Variants in PCDHGA8 observed in about 807,000 individuals in gnomAD.
PCDHGA8 encodes protocadherin gamma subfamily A, 8.
Under a neutral mutation model 59.2 loss-of-function variants are expected in PCDHGA8, and 45 were observed. The observed-to-expected ratio is 0.76, with a 90% CI of 0.60 to 0.98. PCDHGA8 has a LOEUF of 0.98. Ranked by LOEUF, PCDHGA8 falls within the 50% of genes least tolerant of loss-of-function variation. PCDHGA8 has a pLI of 0.00. For missense variants in PCDHGA8, 1,257 were observed against 1,196.2 expected, an observed-to-expected ratio of 1.05 and a Z score of -0.75; for synonymous variants, 531 against 519.0, an observed-to-expected ratio of 1.02 and a Z score of -0.32.
At chr5:141,408,838 G>A in intron 1 of PCDHGA8, 1 of 1,613,588 alleles carries the variant, frequency 6.2e-7, no homozygotes, top group African/African-American at 1.3e-5. Flanking sequence ...GCTTGATATT[G>A]ACTGCCTTGG....
rs762881601 is a variant in PCDHGA8, at chr5:141,392,998, A to ACGGAGTC, written c.188_194dup (p.Ile66SerfsTer8). 1.9e-6 allele frequency: 3 copies of ACGGAGTC among 1,613,876 alleles called. No individual in the cohort carries two copies. In the East Asian group the frequency reaches 6.7e-5, roughly 36 times the overall value. On this transcript the variant is annotated frameshift_variant, in exon 1 of 4. Transcript: ENST00000398604. LOFTEE classifies it high-confidence loss of function. ...CTGGACCCCCGGAAGCTGGCGAAGCACGGAGTCCGTATCGTCTCCAGAGGT... is the reference window on the plus strand; with the variant it reads ...CTGGACCCCCGGAAGCTGGCGAAGCACGGAGTCCGGAGTCCGTATCGTCTCCAGAGGT...
Position 141,480,177 on chromosome 5 carries a change from G to T in PCDHGA8, c.2425-14630G>T, listed in dbSNP as rs570721769. 4.6e-5 allele frequency among the ~76,000 whole-genome samples: 7 copies of T among 152,066 alleles called. No homozygotes were observed. In the South Asian group the frequency reaches 6.3e-4, roughly 14 times the overall value. ...CTAGCATTTTGGGAGGCTGAGGCAGGCGGATTGCTTGAGGCCAGCAGTTCA... is the reference window on the plus strand; with the variant it reads ...CTAGCATTTTGGGAGGCTGAGGCAGTCGGATTGCTTGAGGCCAGCAGTTCA... On this transcript the variant is annotated intron_variant, in intron 1 of 3. Coordinates refer to ENST00000398604, the MANE Select transcript of PCDHGA8 (RefSeq NM_032088.2).
intron 1 of PCDHGA8, chr5:141,398,580 A>T: frequency 1.2e-6 from 2 of 1,614,044 alleles, no homozygotes; most frequent in Non-Finnish European, 1.7e-6. Flanking sequence ...CTGGCACAAG[A>T]TTTATACTAG....
chr5:141,449,263 AC>A (rs1308401244), intron 1 of PCDHGA8, among the ~76,000 whole-genome samples: 3 of 152,152 alleles, frequency 2.0e-5, no homozygotes, highest in African/African-American at 7.2e-5. Flanking sequence ...TGTACAAAGA[AC>A]TGTATCTCCT....
chr5:141,415,651 A>C, intron 1 of PCDHGA8: 1 of 1,595,106 alleles, frequency 6.3e-7, no homozygotes. Context: ...TAAAAAAAAA[A>C]AGATTGGTTT....
In PCDHGA8 at chr5:141,393,206, A is replaced by C. The variant is rs774279389; in HGVS notation, c.393A>C (p.Pro131=). 1.2e-6 allele frequency: 2 copies of C among 1,613,470 alleles called. No homozygotes were observed. Among genetic ancestry groups the C allele is most frequent in the African/African-American group, 1.3e-5 (1 of 74,956 alleles). The change falls in exon 1 of 4, where the codon CCA becomes CCC. Residue 131 remains proline, a synonymous_variant. Coordinates refer to ENST00000398604, the MANE Select transcript of PCDHGA8 (RefSeq NM_032088.2). ...TAATTGATATTAACGATAATAACCC[A>C]AAATTCCAGGTCGAAGATCTAGAAG... ...IEIIDINDNN[P]KFQVEDLEVK... is the part of the protein sequence containing the mutation.
intron 1 of PCDHGA8, chr5:141,403,621 C>T: frequency 6.2e-7 from 1 of 1,613,926 alleles, no homozygotes; most frequent in Non-Finnish European, 8.5e-7. Flanking sequence ...CGCGTCGCTC[C>T]AGCACAGTGC....
Position 141,491,265 on chromosome 5 carries a change from CA to C in PCDHGA8, c.2425-3539del. ...AGGATGAGGACCCTGAGGAAATGCC[CA>C]AATCCAGTGACTTCCTCATACACCC... On this transcript the variant is annotated intron_variant, in intron 1 of 3. Coordinates refer to ENST00000398604, the MANE Select transcript of PCDHGA8 (RefSeq NM_032088.2). This position sits in a 1 kb window ranked among gnomAD's most constrained non-coding sequence, Gnocchi z 6.9. 1 of 1,614,074 alleles carries C rather than the reference CA, an allele frequency of 6.2e-7. No individual in the cohort carries two copies.
rs759095332 is a variant in PCDHGA8, at chr5:141,432,306, C to T, written c.2424+37069C>T. 1 of 1,614,250 alleles carries T rather than the reference C, an allele frequency of 6.2e-7. No homozygotes were observed. On this transcript the variant is annotated intron_variant, in intron 1 of 3. Coordinates refer to ENST00000398604, the MANE Select transcript of PCDHGA8 (RefSeq NM_032088.2). This position sits in a 1 kb window ranked among gnomAD's most constrained non-coding sequence, Gnocchi z 6.0. ...AACTCCGACACTGGGGTACTGTATG[C>T]GCTGAGCTCCTTCGACTACGAGCAG...
intron 1 of PCDHGA8, chr5:141,423,722 G>T: frequency 1.0e-6 from 1 of 954,174 alleles, no homozygotes; most frequent in Non-Finnish European, 1.3e-6. Flanking sequence ...TTAAGGAGAT[G>T]TTTTTTGAGC....
intron 1 of PCDHGA8, among the ~76,000 whole-genome samples, chr5:141,466,748 G>A (rs562859284): frequency 6.6e-6 from 1 of 152,238 alleles, no homozygotes; most frequent in South Asian, 2.1e-4. Context: ...TACTCTGATA[G>A]GGGCTCTTTT....
chr5:141,496,984 G>C (rs938752499), intron 2 of PCDHGA8, among the ~76,000 whole-genome samples: 1 of 151,896 alleles, frequency 6.6e-6, no homozygotes, highest in Admixed American at 6.6e-5. Context: ...TCAGGGGTTT[G>C]AGACCAGCCT....
At chr5:141,441,635 G>T in intron 1 of PCDHGA8, 1 of 226,720 alleles carries the variant, frequency 4.4e-6, no homozygotes, top group Non-Finnish European at 8.9e-6. Flanking sequence ...TGGAGCCACA[G>T]GCGCTGTGAT....
At chr5:141,415,551 C>T (rs745641887) in intron 1 of PCDHGA8, 1 of 1,614,132 alleles carries the variant, frequency 6.2e-7, no homozygotes, top group South Asian at 1.1e-5. Context: ...GTGAGAAAAA[C>T]GATCCTTTGT....
intron 1 of PCDHGA8, chr5:141,478,803 T>G: frequency 2.1e-6 from 3 of 1,463,244 alleles, no homozygotes; most frequent in Non-Finnish European, 2.7e-6. Context: ...AGCACTCTTT[T>G]GCTATCACAA....
rs1168799961 is a variant in PCDHGA8, at chr5:141,487,844, A to G, written c.2425-6963A>G. ...CGGGTCATGCCTATATCTGAGTAAG[A>G]AATGAAAGTAATTGGTGATCAAGAG... On this transcript the variant is annotated intron_variant, in intron 1 of 3. Coordinates refer to ENST00000398604, the MANE Select transcript of PCDHGA8 (RefSeq NM_032088.2). The surrounding 1 kb of genome is among the most constrained non-coding windows in gnomAD (Gnocchi z 5.0). 2 of 1,043,076 alleles carry G rather than the reference A, an allele frequency of 1.9e-6. No homozygotes were observed. Among genetic ancestry groups the G allele is most frequent in the Non-Finnish European group, 2.7e-6 (2 of 730,916 alleles). The allele number at this position is 1,043,076 out of a possible 1,614,324, so 64.6% of individuals were successfully genotyped here.
chr5:141,472,980 C>CAAAAAAAAAAAAAAAAAAGAAAAAAA (rs60579131), intron 1 of PCDHGA8, among the ~76,000 whole-genome samples: 1 of 86,106 alleles, frequency 1.2e-5, no homozygotes, highest in South Asian at 4.3e-4. Flanking sequence ...GAGTGAAACT[C>CAAAAAAAAAAAAAAAAAAGAAAAAAA]AAAAAAAAAA....
At chr5:141,419,371 C>T (rs751971270) in intron 1 of PCDHGA8, 4 of 1,613,662 alleles carry the variant, frequency 2.5e-6, no homozygotes, top group Non-Finnish European at 8.5e-7. Flanking sequence ...TGTCGTCCTA[C>T]GTGTCCGTGA....
At chr5:141,481,739 G>A (rs1034725934) in intron 1 of PCDHGA8, among the ~76,000 whole-genome samples, 1 of 152,082 alleles carries the variant, frequency 6.6e-6, no homozygotes, top group Non-Finnish European at 1.5e-5. Flanking sequence ...GGATCACGAG[G>A]TCAGGAGTCC....
Sources: gnomAD v4.1 joint callset for allele counts (sites outside exome capture counted in the v4.1 genomes callset) on GRCh38, gnomAD v4.1.1 for gene constraint, Gnocchi (gnomAD v3.1) non-coding constraint, MANE v1.5 for transcripts, NCBI Gene and HGNC (gene_info 2026-07-23, HGNC 2026-07-21) for gene names.